Variants in OSBPL9 observed in about 807,000 individuals in gnomAD.
The protein encoded by OSBPL9 is oxysterol-binding protein-related protein 9.
A neutral mutation model predicts 106.6 loss-of-function variants in OSBPL9; 40 were observed. That is an observed-to-expected ratio of 0.38 (90% CI 0.29 to 0.49). The LOEUF (loss-of-function observed/expected upper bound fraction) is 0.49, where lower values mean the gene tolerates loss of function less well. Among genes scored for constraint, OSBPL9 ranks in the 20% least tolerant of loss-of-function variants. OSBPL9 has a pLI of 0.97. For missense variants in OSBPL9, 609 were observed against 887.2 expected (o/e 0.69, Z 3.98); for synonymous variants, 269 against 295.4 (o/e 0.91, Z 0.92).
chr1:51,683,995 G>T (rs1453908419), intron 3 of OSBPL9, among the ~76,000 whole-genome samples: 1 of 151,952 alleles, frequency 6.6e-6, no homozygotes, highest in Non-Finnish European at 1.5e-5. Context: ...ATCAGTTCAA[G>T]AAGTCTTATT....
chr1:51,760,499 T>C (rs896757349), intron 9 of OSBPL9, 191 bp from the exon 10 acceptor site: 28 of 682,604 alleles, frequency 4.1e-5, no homozygotes, highest in Non-Finnish European at 6.0e-5. Flanking sequence ...ATTCATTGTC[T>C]TTCCTTACTA....
chr1:51,734,334 C>A (rs1480951160), intron 4 of OSBPL9, among the ~76,000 whole-genome samples: 1 of 152,168 alleles, frequency 6.6e-6, no homozygotes, highest in Non-Finnish European at 1.5e-5. Flanking sequence ...TCTCTGCATT[C>A]CAGAGCATGT....
intron 1 of OSBPL9, among the ~76,000 whole-genome samples, chr1:51,590,438 G>C (rs1161686234): frequency 6.6e-6 from 1 of 151,786 alleles, no homozygotes; most frequent in African/African-American, 2.4e-5. Flanking sequence ...GGCTAACACG[G>C]TGAAACCCCG....
rs76584723 is a variant in OSBPL9 at position 51,676,109 on chromosome 1, A to G, written c.241+6597A>G. Among the ~76,000 whole-genome samples, 44 of 152,300 alleles carry G rather than the reference A, an allele frequency of 2.9e-4. No homozygotes were observed. In the East Asian group the frequency reaches 8.5e-3, roughly 29 times the overall value. On this transcript the variant is annotated intron_variant, in intron 3 of 23. Coordinates refer to ENST00000428468, the MANE Select transcript of OSBPL9 (RefSeq NM_024586.6). ...AGCCATTTTCCTCTTCATTGTTATA[A>G]AATATATTGTAGAGATTTGTCAACT... is the stretch of plus-strand genomic sequence containing the variant.
At chr1:51,546,165 G>A in the OSBPL9 span, among the ~76,000 whole-genome samples, 1 of 151,940 alleles carries the variant, frequency 6.6e-6, no homozygotes, top group African/African-American at 2.4e-5. Flanking sequence ...ACAGGTATCA[G>A]CCACCATGCT....
the OSBPL9 span, chr1:51,565,489 G>A: frequency 6.6e-6 from 1 of 152,150 alleles, no homozygotes; most frequent in East Asian, 1.9e-4. Flanking sequence ...AACATATAAA[G>A]GCCATACATT....
chr1:51,656,852 C>A (rs576736380), intron 2 of OSBPL9, among the ~76,000 whole-genome samples: 1 of 150,990 alleles, frequency 6.6e-6, no homozygotes, highest in South Asian at 2.1e-4. Context: ...TTTTTAGAGA[C>A]GAGGTCTCAC....
At chr1:51,704,147 T>A (rs935849509) in intron 3 of OSBPL9, among the ~76,000 whole-genome samples, 1 of 152,250 alleles carries the variant, frequency 6.6e-6, no homozygotes, top group Non-Finnish European at 1.5e-5. Flanking sequence ...GATGCTGGCC[T>A]CATAAAATGA....
intron 12 of OSBPL9, among the ~76,000 whole-genome samples, chr1:51,769,473 C>T (rs906440395): frequency 1.3e-5 from 2 of 152,120 alleles, no homozygotes; most frequent in African/African-American, 2.4e-5. Flanking sequence ...AACCTCCGAG[C>T]GTCTGTGTAT....
At chr1:51,669,286 A>G (rs1244430202) in intron 2 of OSBPL9, 148 bp from the exon 3 acceptor site, 1 of 653,372 alleles carries the variant, frequency 1.5e-6, no homozygotes, top group Non-Finnish European at 2.6e-6. Flanking sequence ...CTTTCTCCTT[A>G]AGCAAAACTA....
the OSBPL9 span, among the ~76,000 whole-genome samples, chr1:51,518,780 C>T: frequency 6.6e-6 from 1 of 151,640 alleles, no homozygotes; most frequent in Non-Finnish European, 1.5e-5. Flanking sequence ...TCGTGCGGCC[C>T]GGGGGTGCGG....
At chr1:51,575,066 C>T (rs1645175222), upstream of OSBPL9, among the ~76,000 whole-genome samples, 1 of 152,208 alleles carries the variant, frequency 6.6e-6, no homozygotes. Flanking sequence ...CCTGGGCCCA[C>T]TATGGGTCCC....
chr1:51,602,485 C>T (rs1452872014), intron 2 of OSBPL9, among the ~76,000 whole-genome samples: 3 of 143,110 alleles, frequency 2.1e-5, no homozygotes, highest in Non-Finnish European at 3.0e-5. Flanking sequence ...TGCTGTGGCA[C>T]AATCACAGCC....
At chr1:51,530,170 C>CAAAAAAAAAAAAAAAA in the OSBPL9 span, among the ~76,000 whole-genome samples, 42 of 11,022 alleles carry the variant, frequency 3.8e-3, 3 homozygotes, top group South Asian at 0.01. Flanking sequence ...GACTCTGTCT[C>CAAAAAAAAAAAAAAAA]AAAAAAAAAA....
chr1:51,781,070 C>T (rs1206944679), intron 15 of OSBPL9, 94 bp from the exon 16 acceptor site: 19 of 1,206,052 alleles, frequency 1.6e-5, no homozygotes, highest in Non-Finnish European at 2.2e-5. Flanking sequence ...TCAGTCCTCT[C>T]AGCCTGACTT....
At chr1:51,574,038 A>G (rs544842007), upstream of OSBPL9, 122 of 152,248 alleles carry the variant, frequency 8.0e-4, no homozygotes, top group African/African-American at 2.9e-3. Flanking sequence ...GACTGCACCC[A>G]TCGTTTTTTC....
chr1:51,581,124 C>T (rs1318205131), intron 1 of OSBPL9, among the ~76,000 whole-genome samples: 1 of 149,956 alleles, frequency 6.7e-6, no homozygotes, highest in Non-Finnish European at 1.5e-5. Flanking sequence ...GGGGTTTCAC[C>T]ATGTTGCCCA....
At chr1:51,784,385 C>T in intron 19 of OSBPL9, 57 bp from the exon 20 acceptor site, 1 of 1,611,016 alleles carries the variant, frequency 6.2e-7, no homozygotes, top group Middle Eastern at 1.7e-4. Flanking sequence ...TGAGACATGC[C>T]CCTTCCCCCT....
At chr1:51,770,798 A>G (rs1340548382) in intron 12 of OSBPL9, among the ~76,000 whole-genome samples, 1 of 152,222 alleles carries the variant, frequency 6.6e-6, no homozygotes, top group Non-Finnish European at 1.5e-5. Context: ...CTAATTTTAG[A>G]ATATCCTAAT....
Sources: gnomAD v4.1 joint callset for allele counts (sites outside exome capture counted in the v4.1 genomes callset) on GRCh38, gnomAD v4.1.1 for gene constraint, MANE v1.5 for transcripts, NCBI Gene and HGNC (gene_info 2026-07-23, HGNC 2026-07-21) for gene names.